The following CCDC93 variants were observed in gnomAD, a reference collection of about 807,000 sequenced individuals.
The protein encoded by CCDC93 is CCC complex scaffolding subunit CCDC93.
In CCDC93, 61 loss-of-function variants were observed where a neutral mutation model predicts 108.2. That is an observed-to-expected ratio of 0.56 (90% CI 0.46 to 0.70). The LOEUF (loss-of-function observed/expected upper bound fraction) is 0.70, where lower values mean the gene tolerates loss of function less well. Ranked by LOEUF, CCDC93 falls within the 30% of genes least tolerant of loss-of-function variation. The pLI is 0.00. For synonymous variants in CCDC93, 276 were observed against 260.4 expected, an observed-to-expected ratio of 1.06 and a Z score of -0.58; for missense variants, 685 against 764.2, an observed-to-expected ratio of 0.90 and a Z score of 1.22.
At chr2:117,976,191 T>A (rs1573505706) in intron 8 of CCDC93, among the ~76,000 whole-genome samples, 1 of 152,326 alleles carries the variant, frequency 6.6e-6, no homozygotes, top group East Asian at 1.9e-4. Flanking sequence ...CTACAGGGGA[T>A]GAGACTGCTA....
At chr2:117,940,270 G>A (rs945738290) in intron 19 of CCDC93, among the ~76,000 whole-genome samples, 1 of 152,176 alleles carries the variant, frequency 6.6e-6, no homozygotes, top group Non-Finnish European at 1.5e-5. Flanking sequence ...TGGAGAAGAG[G>A]TGGTCACTTC....
chr2:118,012,399 T>C (rs1677044420), intron 1 of CCDC93: 1 of 152,252 alleles, frequency 6.6e-6, no homozygotes, highest in African/African-American at 2.4e-5. Flanking sequence ...CTTGACCTGG[T>C]GAGTGTGGCC....
Position 117,941,198 on chromosome 2 carries a change from A to G in CCDC93, c.1513T>C (p.Tyr505His). The G allele has an allele frequency of 6.2e-7, 1 of 1,610,992 alleles. No homozygotes were observed. The stretch of plus-strand genomic sequence containing the variant: ...TGGTCAATGCACCTACTCTGGCGGT[A>G]GAGTTCAATAAATCTCTTCTGATAC... ...IQYQKRFIELYRQISAVHKET... is the reference protein window; with the variant it reads ...IQYQKRFIELHRQISAVHKET... Residue 505 changes from tyrosine to histidine, a missense_variant, in exon 19 of 24, where the codon TAC becomes CAC. Tyr to His is a moderately conservative substitution (Grantham distance 83). Transcript: ENST00000376300.
intron 3 of CCDC93, among the ~76,000 whole-genome samples, chr2:118,005,388 G>A (rs1221027304): frequency 6.6e-6 from 1 of 152,188 alleles, no homozygotes; most frequent in African/African-American, 2.4e-5. Flanking sequence ...CACAGGTATA[G>A]GAAGCAATCA....
At chr2:117,961,814 G>A (rs1679404377) in intron 11 of CCDC93, among the ~76,000 whole-genome samples, 1 of 152,196 alleles carries the variant, frequency 6.6e-6, no homozygotes, top group Non-Finnish European at 1.5e-5. Flanking sequence ...AATTTAAACC[G>A]TAGAGCATCT....
intron 11 of CCDC93, among the ~76,000 whole-genome samples, chr2:117,960,433 T>G (rs1288943758): frequency 6.6e-6 from 1 of 152,246 alleles, no homozygotes; most frequent in Non-Finnish European, 1.5e-5. Context: ...AATTCTGTTC[T>G]GCAGCTTTGG....
chr2:117,924,956 A>G (rs1474193671), intron 23 of CCDC93, among the ~76,000 whole-genome samples: 1 of 152,248 alleles, frequency 6.6e-6, no homozygotes, highest in Non-Finnish European at 1.5e-5. Flanking sequence ...GCCAGAAGAG[A>G]GTGGGGGCCA....
intron 11 of CCDC93, among the ~76,000 whole-genome samples, chr2:117,965,157 A>C (rs1317579543): frequency 6.6e-6 from 1 of 151,076 alleles, no homozygotes; most frequent in African/African-American, 2.4e-5. Flanking sequence ...TTAGACCCCC[A>C]AACCCTCCTG....
chr2:118,013,855 C>A (rs1267037517), intron 1 of CCDC93, 99 bp downstream of exon 1: 3 of 1,041,856 alleles, frequency 2.9e-6, no homozygotes, highest in Non-Finnish European at 2.7e-6. Flanking sequence ...GGGGGCGGGG[C>A]GCCCCTAACG....
At chr2:117,979,751 A>C (rs886464619) in intron 7 of CCDC93, among the ~76,000 whole-genome samples, 2 of 152,194 alleles carry the variant, frequency 1.3e-5, no homozygotes, top group African/African-American at 4.8e-5. Flanking sequence ...GGCTATCCAC[A>C]CGAATTCTGT....
chr2:117,941,825 G>A (rs1228174503), intron 18 of CCDC93, among the ~76,000 whole-genome samples: 1 of 152,212 alleles, frequency 6.6e-6, no homozygotes, highest in Non-Finnish European at 1.5e-5. Context: ...GGGTCTGGGA[G>A]GCATGGCACT....
At chr2:117,993,229 T>C (rs943679928) in intron 6 of CCDC93, among the ~76,000 whole-genome samples, 1 of 151,836 alleles carries the variant, frequency 6.6e-6, no homozygotes, top group African/African-American at 2.4e-5. Flanking sequence ...ACCCCATCTC[T>C]ACTAAAAAAA....
At chr2:117,963,670 T>C (rs1296340180) in intron 11 of CCDC93, among the ~76,000 whole-genome samples, 1 of 152,226 alleles carries the variant, frequency 6.6e-6, no homozygotes, top group East Asian at 1.9e-4. Flanking sequence ...CTGCTCAGAA[T>C]GCACTTAACA....
chr2:118,011,022 CTGAT>C (rs1243058653), intron 1 of CCDC93, among the ~76,000 whole-genome samples: 12 of 152,186 alleles, frequency 7.9e-5, no homozygotes, highest in South Asian at 2.1e-4. Flanking sequence ...AACTGGACTA[CTGAT>C]TGATTAACGA....
At chr2:117,981,059 C>G (rs78637514) in intron 7 of CCDC93, among the ~76,000 whole-genome samples, 1 of 152,274 alleles carries the variant, frequency 6.6e-6, no homozygotes, top group Non-Finnish European at 1.5e-5. Context: ...AATAATATCC[C>G]ATTATATGAG....
At chr2:117,940,218 GT>G (rs1471975746) in intron 19 of CCDC93, among the ~76,000 whole-genome samples, 1 of 152,180 alleles carries the variant, frequency 6.6e-6, no homozygotes, top group Non-Finnish European at 1.5e-5. Context: ...TTTTGTACCT[GT>G]TGAGTTTCAG....
In CCDC93 at chr2:117,952,318, G is replaced by A. The variant is rs117209285; in HGVS notation, c.1068+55C>T. 5.8e-4 allele frequency: 691 copies of A among 1,191,272 alleles called. 1 individual carries two copies. The East Asian group carries it at 0.015, about 26-fold the overall frequency. The allele number at this position is 1,191,272 out of a possible 1,614,324, so 73.8% of individuals were successfully genotyped here. On this transcript the variant is annotated intron_variant, in intron 13 of 23. Transcript: ENST00000376300. ...ACACATCATTCCATTAGTGGTTCAG[G>A]TCAAAAACAATTCTTGACAAGGGCC...
At chr2:117,933,881 A>G (rs1448712069) in intron 22 of CCDC93, 1 of 152,072 alleles carries the variant, frequency 6.6e-6, no homozygotes, top group Non-Finnish European at 1.5e-5. Context: ...TGAGGGCCTA[A>G]CCATGGGTTA....
chr2:117,939,040 A>G lies in CCDC93; in HGVS notation c.1594T>C (p.Leu532=). Residue 532 remains leucine, a synonymous_variant, in exon 20 of 24, where the codon TTG becomes CTG. Coordinates refer to ENST00000376300, the MANE Select transcript of CCDC93 (RefSeq NM_019044.5). The part of the protein sequence containing the change: ...YNTLDDKKVY[L]EKEISLLNSI... The stretch of plus-strand genomic sequence containing the variant: ...ATAAATGTTCTTACCTCTTTTTCCA[A>G]ATAAACCTTTTTATCATCCAGGGTA... 2 of 1,585,138 alleles carry G rather than the reference A, an allele frequency of 1.3e-6. No individual in the cohort carries two copies. The highest frequency in any genetic ancestry group is 1.7e-6 in the Non-Finnish European group (2 of 1,154,822).
Sources: allele counts gnomAD v4.1 joint callset (sites outside exome capture counted in the v4.1 genomes callset), GRCh38; gene constraint gnomAD v4.1.1; transcripts MANE v1.5; gene names NCBI Gene and HGNC (gene_info 2026-07-23, HGNC 2026-07-21).